CCDC127: variants seen among roughly 807,000 people sequenced by gnomAD.
CCDC127 encodes coiled-coil domain containing 127.
A neutral mutation model predicts 4.1 loss-of-function variants in CCDC127; 2 were observed. The observed-to-expected ratio is 0.49, with a 90% confidence interval of 0.20 to 1.53. The LOEUF is 1.53. CCDC127 is among the 40% of genes most tolerant of loss of function. The probability of loss-of-function intolerance (pLI) is 0.23; values close to 1 mark genes in which losing one functional copy is unlikely to be tolerated. For synonymous variants in CCDC127, 98 were observed against 120.4 expected (o/e 0.81, Z 1.22); for missense variants, 271 against 322.9 (o/e 0.84, Z 1.23).
At chr5:210,432 CA>C (rs1429316652) in intron 2 of CCDC127, among the ~76,000 whole-genome samples, 1 of 144,934 alleles carries the variant, frequency 6.9e-6, no homozygotes, top group Non-Finnish European at 1.5e-5. Context: ...TAACAACTCT[CA>C]AAACTCAACA....
Position 205,645 on chromosome 5 carries a change from C to A in CCDC127, c.435G>T (p.Leu145=). The part of the protein sequence containing the change: ...QPLRSAYLSC[L]QREENWQRRA... ...TCCTTTGCCAGTTTTCTTCCCTTTGCAGGCAGCTCAAATACGCACTTCTCA... is the reference window on the plus strand; with the variant it reads ...TCCTTTGCCAGTTTTCTTCCCTTTGAAGGCAGCTCAAATACGCACTTCTCA... Residue 145 remains leucine (L), a synonymous_variant, in exon 3 of 3, where the codon CTG becomes CTT. Transcript: ENST00000296824. 1 of 1,614,220 alleles carries A rather than the reference C, an allele frequency of 6.2e-7. No homozygotes were observed. The highest frequency in any genetic ancestry group is 8.5e-7 in the Non-Finnish European group (1 of 1,180,036).
In CCDC127 at chr5:197,173, A is replaced by T. The variant is rs1467957571; in HGVS notation, c.*8124T>A. On this transcript the variant is annotated 3_prime_UTR_variant, in exon 3 of 3. Coordinates refer to ENST00000296824, the MANE Select transcript of CCDC127 (RefSeq NM_145265.3). ...GAATAACAAGGCAGCATTGCCGCAA[A>T]CATGTCTCGCCTCCCGCCACAAGGC... 2 of 152,062 alleles carry T rather than the reference A, an allele frequency of 1.3e-5. No homozygotes were observed. Among genetic ancestry groups the T allele is most frequent in the Non-Finnish European group, 2.9e-5 (2 of 67,990 alleles). The allele number at this position is 152,062 out of a possible 1,614,324, so 9.4% of individuals were successfully genotyped here. A position where few individuals can be genotyped will look rare whatever the true frequency, so the allele number is the denominator to read the frequency against.
chr5:197,030 A>AT lies in CCDC127; in HGVS notation c.*8266_*8267insA, dbSNP rs376454243. The AT allele has an allele frequency of 1.3e-5, 2 of 149,566 alleles. No homozygotes were observed. Among genetic ancestry groups the AT allele is most frequent in the Admixed American group, 6.6e-5 (1 of 15,164 alleles). The allele number at this position is 149,566 out of a possible 1,614,324, so 9.3% of individuals were successfully genotyped here. ...GGTGATAATAAGGAGGAGGTCAGCA[A>AT]AAACGTGTGAGCAAAAGAATCTATG... On this transcript the variant is annotated 3_prime_UTR_variant, in exon 3 of 3. Transcript: ENST00000296824.
In CCDC127 at chr5:199,924, G is replaced by A. The variant is rs1230036048; in HGVS notation, c.*5373C>T. ...TGCACCTGCTCCTGGAGCAGGACTTGACTCCTCTACCTGGACCAGGCAGGT... is the reference window on the plus strand; with the variant it reads ...TGCACCTGCTCCTGGAGCAGGACTTAACTCCTCTACCTGGACCAGGCAGGT... On this transcript the variant is annotated 3_prime_UTR_variant, in exon 3 of 3. Coordinates refer to ENST00000296824, the MANE Select transcript of CCDC127 (RefSeq NM_145265.3). The A allele has an allele frequency of 3.3e-5, 5 of 152,292 alleles. No individual in the cohort carries two copies. Among genetic ancestry groups the A allele is most frequent in the Non-Finnish European group, 7.3e-5 (5 of 68,134 alleles). The allele number at this position is 152,292 out of a possible 1,614,324, so 9.4% of individuals were successfully genotyped here. A position where few individuals can be genotyped will look rare whatever the true frequency, so the allele number is the denominator to read the frequency against.
rs1253653007 is a variant in CCDC127, at chr5:203,683, C to T, written c.*1614G>A. 6.6e-6 allele frequency: 1 copy of T among 152,136 alleles called. No homozygotes were observed. The highest frequency in any genetic ancestry group is 2.4e-5 in the African/African-American group (1 of 41,408). 9.4% of individuals were successfully genotyped at this position (152,136 alleles called of 1,614,324 possible). On this transcript the variant is annotated 3_prime_UTR_variant, in exon 3 of 3. Transcript: ENST00000296824. ...TGGCCCTTGAAAGCAGATGGACAAC[C>T]TGCTCCCGCTCCTGCCTGGCCACAC... is the stretch of plus-strand genomic sequence containing the variant.
At chr5:214,111 A>G (rs781690431) in intron 2 of CCDC127, 5 of 152,238 alleles carry the variant, frequency 3.3e-5, no homozygotes, top group Non-Finnish European at 7.3e-5. Context: ...GTTTGATTCC[A>G]TTTACATAAC....
intron 2 of CCDC127, among the ~76,000 whole-genome samples, chr5:210,075 A>G (rs1734249564): frequency 6.6e-6 from 1 of 152,274 alleles, no homozygotes; most frequent in African/African-American, 2.4e-5. Flanking sequence ...CTAGTGCCGG[A>G]AGGCAAGACA....
At chr5:214,777 C>T (rs1451861973) in intron 2 of CCDC127, 1 of 152,194 alleles carries the variant, frequency 6.6e-6, no homozygotes, top group African/African-American at 2.4e-5. Flanking sequence ...CACCTGTAAC[C>T]CCAGCACTTT....
At chr5:213,946 A>G (rs1359109164) in intron 2 of CCDC127, 1 of 152,262 alleles carries the variant, frequency 6.6e-6, no homozygotes, top group East Asian at 1.9e-4. Context: ...AAGGACCCAG[A>G]TGTCTTTCAG....
chr5:207,287 C>G (rs143910070), intron 2 of CCDC127, among the ~76,000 whole-genome samples: 5 of 152,328 alleles, frequency 3.3e-5, no homozygotes, highest in Non-Finnish European at 5.9e-5. Flanking sequence ...AAAATAGCTG[C>G]TAGTCCTACT....
intron 2 of CCDC127, among the ~76,000 whole-genome samples, chr5:208,779 C>T (rs1463702199): frequency 6.6e-6 from 1 of 152,230 alleles, no homozygotes; most frequent in African/African-American, 2.4e-5. Context: ...TTCAAGAAAG[C>T]CAGCTAAGAC....
rs565830041 is a variant in CCDC127, at chr5:197,095, G to C, written c.*8202C>G. ...AAGGGAAGGTACTATGCCTGGACGT[G>C]CACGTAGGCCAGATTTATGTTTCTC... On this transcript the variant is annotated 3_prime_UTR_variant, in exon 3 of 3. Transcript: ENST00000296824. 1 of 152,018 alleles carries C rather than the reference G, an allele frequency of 6.6e-6. No homozygotes were observed. Among genetic ancestry groups the C allele is most frequent in the African/African-American group, 2.4e-5 (1 of 41,348 alleles). 9.4% of individuals were successfully genotyped at this position (152,018 alleles called of 1,614,324 possible).
intron 2 of CCDC127, among the ~76,000 whole-genome samples, chr5:208,368 G>A (rs1337410818): frequency 6.6e-6 from 1 of 152,184 alleles, no homozygotes; most frequent in African/African-American, 2.4e-5. Context: ...CTCAACGGGT[G>A]CAGACAAAAA....
Position 198,472 on chromosome 5 carries a change from G to A in CCDC127, c.*6825C>T, listed in dbSNP as rs1277952321. On this transcript the variant is annotated 3_prime_UTR_variant, in exon 3 of 3. Coordinates refer to ENST00000296824, the MANE Select transcript of CCDC127 (RefSeq NM_145265.3). ...GCCTGTGGCAGTGGAGAAGGGCCCA[G>A]GGTGCTGGGTGTCCTGAGGCCTGGG... The A allele has an allele frequency of 1.3e-5, 2 of 152,328 alleles. No individual in the cohort carries two copies. The allele number at this position is 152,328 out of a possible 1,614,324, so 9.4% of individuals were successfully genotyped here.
intron 2 of CCDC127, among the ~76,000 whole-genome samples, chr5:210,342 G>C (rs1390052849): frequency 6.6e-6 from 1 of 152,140 alleles, no homozygotes; most frequent in Non-Finnish European, 1.5e-5. Flanking sequence ...CCTATGAAGA[G>C]AATGAAAAGA....
rs919555309 is a variant in CCDC127, at chr5:203,737, C to T, written c.*1560G>A. ...ATCAAATCACTGCACACAGGTTACTCGCGGTTCTGGAGAAAAGGTGCCCGG... is the reference window on the plus strand; with the variant it reads ...ATCAAATCACTGCACACAGGTTACTTGCGGTTCTGGAGAAAAGGTGCCCGG... On this transcript the variant is annotated 3_prime_UTR_variant, in exon 3 of 3. Transcript: ENST00000296824. The T allele has an allele frequency of 6.6e-5, 10 of 152,238 alleles. No homozygotes were observed. Among genetic ancestry groups the T allele is most frequent in the Admixed American group, 4.6e-4 (7 of 15,284 alleles). 9.4% of individuals were successfully genotyped at this position (152,238 alleles called of 1,614,324 possible). A position where few individuals can be genotyped will look rare whatever the true frequency, so the allele number is the denominator to read the frequency against.
In CCDC127 at chr5:218,152, T is replaced by G; in HGVS notation, c.-70A>C. ...TAACGCCACCGTCCGCGGGTCCGCT[T>G]TGCGCAGGCGCGGCGCCCCCACTCA... On this transcript the variant is annotated 5_prime_UTR_variant, in exon 1 of 3. Coordinates refer to ENST00000296824, the MANE Select transcript of CCDC127 (RefSeq NM_145265.3). 8.0e-7 allele frequency: 1 copy of G among 1,244,608 alleles called. No homozygotes were observed. Among genetic ancestry groups the G allele is most frequent in the Non-Finnish European group, 1.0e-6 (1 of 993,060 alleles). The allele number at this position is 1,244,608 out of a possible 1,614,324, so 77.1% of individuals were successfully genotyped here. A position where few individuals can be genotyped will look rare whatever the true frequency, so the allele number is the denominator to read the frequency against.
chr5:208,844 T>C (rs6861223), intron 2 of CCDC127, among the ~76,000 whole-genome samples: 14,617 of 152,104 alleles, frequency 0.096, 2,289 homozygotes, highest in African/African-American at 0.33. Context: ...AATGCGCAGG[T>C]TCAAACAGAA....
At chr5:206,087 A>T (rs1246183217) in intron 2 of CCDC127, 129 bp from the exon 3 acceptor site, 4 of 819,334 alleles carry the variant, frequency 4.9e-6, no homozygotes, top group East Asian at 5.3e-5. Flanking sequence ...TGTACCAAGA[A>T]GATCACTTCT....
Sources: gnomAD v4.1 joint callset for allele counts (sites outside exome capture counted in the v4.1 genomes callset) on GRCh38, gnomAD v4.1.1 for gene constraint, MANE v1.5 for transcripts, NCBI Gene and HGNC (gene_info 2026-07-23, HGNC 2026-07-21) for gene names.